The following TSPAN18 variants were observed in gnomAD, a reference collection of about 807,000 sequenced individuals.
TSPAN18 encodes the protein tetraspanin 18.
TSPAN18 carries 14 observed loss-of-function variants against 27.3 expected under a neutral mutation model. The observed-to-expected ratio is 0.51, with a 90% CI of 0.34 to 0.80. The LOEUF is 0.80. Ranked by LOEUF, TSPAN18 falls within the 30% of genes least tolerant of loss-of-function variation. The pLI is 0.01. For missense variants in TSPAN18, 268 were observed against 323.9 expected, an observed-to-expected ratio of 0.83 and a Z score of 1.32; for synonymous variants, 143 against 136.5, an observed-to-expected ratio of 1.05 and a Z score of -0.33.
At chr11:44,848,372 C>T (rs1857527808) in intron 2 of TSPAN18, among the ~76,000 whole-genome samples, 1 of 152,204 alleles carries the variant, frequency 6.6e-6, no homozygotes. Context: ...TCTGCTGGCT[C>T]CACTGAGCTG....
At chr11:44,735,161 G>A (rs1854760674) in intron 1 of TSPAN18, among the ~76,000 whole-genome samples, 1 of 152,190 alleles carries the variant, frequency 6.6e-6, no homozygotes, top group Non-Finnish European at 1.5e-5. Context: ...CTGGATTTAT[G>A]CTGACTCAGG....
intron 8 of TSPAN18, chr11:44,925,753 A>T (rs187820338): frequency 6.6e-6 from 1 of 152,092 alleles, no homozygotes; most frequent in East Asian, 1.9e-4. Flanking sequence ...GCAGGCTCCT[A>T]TAAAGGAAGG....
At chr11:44,755,910 G>A (rs997568464) in intron 1 of TSPAN18, among the ~76,000 whole-genome samples, 1 of 152,094 alleles carries the variant, frequency 6.6e-6, no homozygotes, top group African/African-American at 2.4e-5. Context: ...CTAGGGTTGG[G>A]AGTACAGAGC....
intron 3 of TSPAN18, among the ~76,000 whole-genome samples, chr11:44,875,063 G>T (rs1858294029): frequency 6.6e-6 from 1 of 152,222 alleles, no homozygotes; most frequent in African/African-American, 2.4e-5. Context: ...TGGAGCAGCA[G>T]CTCCATGCAA....
chr11:44,760,636 T>C (rs1009509343), intron 1 of TSPAN18, among the ~76,000 whole-genome samples: 3 of 152,156 alleles, frequency 2.0e-5, no homozygotes, highest in African/African-American at 7.2e-5. Flanking sequence ...GCTGACCAAA[T>C]TTTTCTTGTA....
At chr11:44,912,937 G>T (rs1321042779) in intron 5 of TSPAN18, among the ~76,000 whole-genome samples, 1 of 151,526 alleles carries the variant, frequency 6.6e-6, no homozygotes, top group Non-Finnish European at 1.5e-5. Flanking sequence ...CATGGGGGTT[G>T]GGGGGGTTCT....
intron 2 of TSPAN18, among the ~76,000 whole-genome samples, chr11:44,857,842 C>T (rs1857776540): frequency 6.6e-6 from 1 of 152,160 alleles, no homozygotes; most frequent in Non-Finnish European, 1.5e-5. Flanking sequence ...CACTGAATCC[C>T]TCCCCCCGAT....
rs142396188 is a variant in TSPAN18 at position 44,836,057 on chromosome 11, A to G, written c.-152-24271A>G. On this transcript the variant is annotated intron_variant, in intron 2 of 9. Transcript: ENST00000520358. ...ACATAACAATATTGAAATGAGGCCA[A>G]TGAATAACCCTACAAGGGCCTCTAA... Among the ~76,000 whole-genome samples, 678 of 152,346 alleles carry G rather than the reference A, an allele frequency of 4.5e-3. 7 individuals carry two copies. Among genetic ancestry groups the G allele is most frequent in the African/African-American group, 0.016 (650 of 41,574 alleles).
chr11:44,816,140 T>C (rs961586117), intron 2 of TSPAN18, among the ~76,000 whole-genome samples: 5 of 141,626 alleles, frequency 3.5e-5, no homozygotes, highest in African/African-American at 1.3e-4. Context: ...ATAAATCACT[T>C]TTATTGTTAG....
chr11:44,760,157 A>G (rs1855419349), intron 1 of TSPAN18, among the ~76,000 whole-genome samples: 1 of 152,226 alleles, frequency 6.6e-6, no homozygotes, highest in South Asian at 2.1e-4. Context: ...AGATGATAAA[A>G]GGCCTTGTGT....
At chr11:44,730,790 A>AT (rs1017054402) in intron 1 of TSPAN18, among the ~76,000 whole-genome samples, 1 of 151,008 alleles carries the variant, frequency 6.6e-6, no homozygotes, top group African/African-American at 2.4e-5. Flanking sequence ...CACCTGGCTA[A>AT]TTTTTTTTGA....
intron 1 of TSPAN18, among the ~76,000 whole-genome samples, chr11:44,729,189 A>C (rs1349176345): frequency 2.0e-5 from 3 of 152,258 alleles, no homozygotes; most frequent in Non-Finnish European, 4.4e-5. Context: ...GAGGAGAGAA[A>C]GGAAAGGGTG....
intron 3 of TSPAN18, among the ~76,000 whole-genome samples, chr11:44,883,769 T>G (rs939334371): frequency 2.0e-5 from 3 of 152,246 alleles, no homozygotes; most frequent in African/African-American, 7.2e-5. Flanking sequence ...CTTTGGGACT[T>G]GGACACCTCT....
intron 3 of TSPAN18, among the ~76,000 whole-genome samples, chr11:44,862,960 A>G (rs1360733703): frequency 3.3e-5 from 5 of 152,124 alleles, no homozygotes; most frequent in African/African-American, 1.2e-4. Flanking sequence ...TGTTAATAAA[A>G]CGAATCATAC....
At chr11:44,821,842 G>C (rs1455276896) in intron 2 of TSPAN18, among the ~76,000 whole-genome samples, 1 of 152,226 alleles carries the variant, frequency 6.6e-6, no homozygotes, top group South Asian at 2.1e-4. Flanking sequence ...CAGGTCTGTG[G>C]ACAGGTTGTG....
intron 1 of TSPAN18, among the ~76,000 whole-genome samples, chr11:44,741,777 C>T (rs77189058): frequency 0.027 from 4,113 of 152,258 alleles, 72 homozygotes; most frequent in Non-Finnish European, 0.044. Context: ...TCCCTCTGAA[C>T]GTTAGTTTCC....
intron 2 of TSPAN18, among the ~76,000 whole-genome samples, chr11:44,778,313 C>T (rs1855861564): frequency 6.6e-6 from 1 of 151,890 alleles, no homozygotes; most frequent in African/African-American, 2.4e-5. Context: ...CCTCATCTCC[C>T]CTTTCCTTGG....
At chr11:44,908,769 G>GAA (rs1554938043) in intron 4 of TSPAN18, among the ~76,000 whole-genome samples, 9,313 of 71,478 alleles carry the variant, frequency 0.13, 1,508 homozygotes, top group African/African-American at 0.23. Flanking sequence ...AGAGAGAAAG[G>GAA]AGAAAGAAAG....
intron 2 of TSPAN18, among the ~76,000 whole-genome samples, chr11:44,827,292 A>T (rs183960420): frequency 2.6e-5 from 4 of 152,352 alleles, no homozygotes; most frequent in African/African-American, 9.6e-5. Flanking sequence ...GGATCCCAGC[A>T]TGGGAAGCCA....
Sources: gnomAD v4.1 joint callset for allele counts (sites outside exome capture counted in the v4.1 genomes callset) on GRCh38, gnomAD v4.1.1 for gene constraint, MANE v1.5 for transcripts, NCBI Gene and HGNC (gene_info 2026-07-23, HGNC 2026-07-21) for gene names.